CA10: variants seen among roughly 807,000 people sequenced by gnomAD.
CA10 encodes carbonic anhydrase-related protein 10.
In CA10, 14 loss-of-function variants were observed where a neutral mutation model predicts 44.2. The observed-to-expected ratio is 0.32, with a 90% CI of 0.21 to 0.50. The LOEUF is 0.50. CA10 is among the 20% of genes least tolerant of loss of function. CA10 has a pLI of 0.99. For synonymous variants in CA10, 159 were observed against 141.6 expected, an observed-to-expected ratio of 1.12 and a Z score of -0.87; for missense variants, 350 against 409.7, an observed-to-expected ratio of 0.85 and a Z score of 1.26.
In CA10 at chr17:51,685,858, C is replaced by T. The variant is rs113032730; in HGVS notation, c.466-32122G>A. ...ATTCCTGCCTCACAGGCACCTGATA[C>T]GCCACAAAGAGGAATACAAATGGCC... On this transcript the variant is annotated intron_variant, in intron 4 of 8. Transcript: ENST00000451037. Among the ~76,000 whole-genome samples the T allele has an allele frequency of 7.7e-3, 1,178 of 152,238 alleles. 19 individuals are homozygous for T. The highest frequency in any genetic ancestry group is 0.027 in the African/African-American group (1,130 of 41,514).
chr17:52,023,463 A>G (rs981864139), intron 2 of CA10, among the ~76,000 whole-genome samples: 8 of 152,184 alleles, frequency 5.3e-5, no homozygotes, highest in African/African-American at 1.7e-4. Flanking sequence ...AACAAAAATA[A>G]ACTCAAGATG....
chr17:52,094,993 G>T (rs2938141), intron 1 of CA10, among the ~76,000 whole-genome samples: 3 of 151,938 alleles, frequency 2.0e-5, no homozygotes, highest in Non-Finnish European at 4.4e-5. Flanking sequence ...ATATTAGTGC[G>T]CATGTCTACT....
intron 1 of CA10, 68 bp downstream of exon 1, chr17:52,157,657 TA>T (rs1567751429): frequency 1.4e-6 from 2 of 1,436,990 alleles, no homozygotes; most frequent in Admixed American, 3.4e-5. Context: ...CTATATACAA[TA>T]AAACCCCATA....
intron 2 of CA10, among the ~76,000 whole-genome samples, chr17:51,969,674 A>G (rs964319587): frequency 2.0e-5 from 3 of 151,898 alleles, no homozygotes; most frequent in African/African-American, 7.2e-5. Context: ...ACACAGATGG[A>G]TATTTATTGA....
chr17:51,981,925 T>C (rs1984667181), intron 2 of CA10, among the ~76,000 whole-genome samples: 1 of 152,046 alleles, frequency 6.6e-6, no homozygotes, highest in Non-Finnish European at 1.5e-5. Flanking sequence ...TTATTTAATA[T>C]ATTTTTCCCT....
intron 3 of CA10, among the ~76,000 whole-genome samples, chr17:51,772,176 G>C (rs1382921667): frequency 1.3e-5 from 2 of 152,144 alleles, no homozygotes; most frequent in African/African-American, 4.8e-5. Context: ...TTGTTGTGAA[G>C]ATTAAATAAG....
chr17:51,826,436 C>T (rs778740307), intron 3 of CA10, among the ~76,000 whole-genome samples: 9 of 152,162 alleles, frequency 5.9e-5, no homozygotes, highest in Non-Finnish European at 8.8e-5. Context: ...GTGTACCTCA[C>T]GGGCTGTTGT....
intron 2 of CA10, among the ~76,000 whole-genome samples, chr17:52,060,813 G>A (rs754671275): frequency 2.0e-5 from 3 of 152,174 alleles, no homozygotes; most frequent in Non-Finnish European, 2.9e-5. Context: ...AGTGGAAAGA[G>A]CATTGGATTA....
intron 3 of CA10, among the ~76,000 whole-genome samples, chr17:51,881,220 A>C (rs1405284554): frequency 2.8e-5 from 4 of 143,358 alleles, no homozygotes; most frequent in Admixed American, 7.0e-5. Context: ...AGCCTGGGCG[A>C]CAGAGCGAGA....
chr17:51,875,219 C>T (rs1291504546), intron 3 of CA10, among the ~76,000 whole-genome samples: 1 of 152,060 alleles, frequency 6.6e-6, no homozygotes, highest in African/African-American at 2.4e-5. Flanking sequence ...TTATACTGCC[C>T]AAGTTAGTCT....
intron 4 of CA10, among the ~76,000 whole-genome samples, chr17:51,701,345 A>G (rs2143460226): frequency 6.6e-6 from 1 of 152,232 alleles, no homozygotes; most frequent in African/African-American, 2.4e-5. Context: ...TTAATTCAGT[A>G]TGACTTAGTC....
chr17:52,144,194 A>T (rs1191013200), intron 1 of CA10, among the ~76,000 whole-genome samples: 1 of 152,228 alleles, frequency 6.6e-6, no homozygotes, highest in Non-Finnish European at 1.5e-5. Context: ...AAAAGGGAAT[A>T]GAGTAGCCAA....
At chr17:51,839,797 C>G (rs1022469035) in intron 3 of CA10, among the ~76,000 whole-genome samples, 2 of 152,144 alleles carry the variant, frequency 1.3e-5, no homozygotes, top group Admixed American at 1.3e-4. Context: ...GCAAATATAG[C>G]TCTGGCAGAG....
chr17:51,924,274 GTTTGT>G lies in CA10; in HGVS notation c.279+6711_279+6715del, dbSNP rs200621505. 2.3e-3 allele frequency among the ~76,000 whole-genome samples: 347 copies of G among 152,124 alleles called. No homozygotes were observed. The Middle Eastern group carries it at 0.041, about 18-fold the overall frequency. ...GGAAAAGGAGAGATGCATTCACTTTGTTTGTTTTGTTTGTTTGTTTTTTAAAGTTT... is the reference window on the plus strand; with the variant it reads ...GGAAAAGGAGAGATGCATTCACTTTGTTTGTTTGTTTGTTTTTTAAAGTTT... On this transcript the variant is annotated intron_variant, in intron 3 of 8. Transcript: ENST00000451037.
chr17:51,822,523 A>G (rs941581240), intron 3 of CA10, among the ~76,000 whole-genome samples: 1 of 152,168 alleles, frequency 6.6e-6, no homozygotes, highest in Non-Finnish European at 1.5e-5. Context: ...TCCCATTATT[A>G]CTACTCTCCT....
chr17:52,149,371 C>T (rs1310730598), intron 1 of CA10, among the ~76,000 whole-genome samples: 1 of 152,228 alleles, frequency 6.6e-6, no homozygotes, highest in Non-Finnish European at 1.5e-5. Context: ...TCCTTCATAA[C>T]CTTTGATAAT....
intron 4 of CA10, among the ~76,000 whole-genome samples, chr17:51,703,317 G>A (rs1374077544): frequency 2.0e-5 from 3 of 152,050 alleles, no homozygotes; most frequent in Non-Finnish European, 4.4e-5. Flanking sequence ...AAGGAAGTCA[G>A]CACATTTGGA....
chr17:52,000,862 CG>C (rs1598160248), intron 2 of CA10, among the ~76,000 whole-genome samples: 1 of 125,464 alleles, frequency 8.0e-6, no homozygotes, highest in East Asian at 2.5e-4. Flanking sequence ...TCAAGTTAAA[CG>C]GTAATGAGGA....
At chr17:51,734,688 A>T (rs7207398) in intron 4 of CA10, among the ~76,000 whole-genome samples, 4 of 152,018 alleles carry the variant, frequency 2.6e-5, no homozygotes, top group African/African-American at 9.7e-5. Flanking sequence ...TGGGAGGGCG[A>T]TTCCTTGCAG....
Sources: gnomAD v4.1 joint callset for allele counts (sites outside exome capture counted in the v4.1 genomes callset) on GRCh38, gnomAD v4.1.1 for gene constraint, MANE v1.5 for transcripts, NCBI Gene and HGNC (gene_info 2026-07-23, HGNC 2026-07-21) for gene names.